The following ATRNL1 variants were observed in gnomAD, a reference collection of about 807,000 sequenced individuals.
ATRNL1 encodes the protein attractin like 1.
In ATRNL1, 95 loss-of-function variants were observed where a neutral mutation model predicts 182.7. The ratio of observed to expected loss-of-function variants is 0.52; its 90% CI spans 0.44 to 0.62. ATRNL1 has a LOEUF of 0.62. Ranked by LOEUF, ATRNL1 falls within the 20% of genes least tolerant of loss-of-function variation. ATRNL1 has a pLI of 0.00. For missense variants in ATRNL1, 1,471 were observed against 1,679.5 expected, an observed-to-expected ratio of 0.88 and a Z score of 2.17; for synonymous variants, 576 against 568.3, an observed-to-expected ratio of 1.01 and a Z score of -0.19.
At chr10:115,348,196 C>T (rs1554940312) in intron 19 of ATRNL1, among the ~76,000 whole-genome samples, 1 of 152,116 alleles carries the variant, frequency 6.6e-6, no homozygotes, top group Admixed American at 6.6e-5. Flanking sequence ...TGGTCTCAGA[C>T]TCCTGACCTC....
Position 115,779,914 on chromosome 10 carries a change from A to G in ATRNL1, c.3903+52559A>G, listed in dbSNP as rs146857664. The stretch of plus-strand genomic sequence containing the variant: ...GGTTCTTTGAGAGGGGCAAAGCAAG[A>G]TGGCCATTGATCATCCCTACTGCAG... On this transcript the variant is annotated intron_variant, in intron 27 of 28. Transcript: ENST00000355044. Among the ~76,000 whole-genome samples, 326 of 152,320 alleles carry G rather than the reference A, an allele frequency of 2.1e-3. 3 individuals are homozygous for G. Among genetic ancestry groups the G allele is most frequent in the Admixed American group, 0.017 (261 of 15,292 alleles).
At chr10:115,879,842 G>C (rs1459449727) in intron 28 of ATRNL1, among the ~76,000 whole-genome samples, 1 of 152,122 alleles carries the variant, frequency 6.6e-6, no homozygotes, top group Non-Finnish European at 1.5e-5. Context: ...AGGAAATCAG[G>C]GGAGCCTCGG....
chr10:115,542,115 TA>T (rs1302876871), intron 25 of ATRNL1, among the ~76,000 whole-genome samples: 15 of 152,160 alleles, frequency 9.9e-5, no homozygotes, highest in Non-Finnish European at 2.1e-4. Context: ...CTACTTGTAA[TA>T]GGACTTACCC....
At chr10:115,679,758 A>G (rs1195941541) in intron 26 of ATRNL1, among the ~76,000 whole-genome samples, 1 of 152,108 alleles carries the variant, frequency 6.6e-6, no homozygotes, top group Non-Finnish European at 1.5e-5. Context: ...TTCCTCAGCT[A>G]TATTTCTTAC....
chr10:115,843,371 T>C (rs1350315015), intron 27 of ATRNL1, among the ~76,000 whole-genome samples: 1 of 152,082 alleles, frequency 6.6e-6, no homozygotes, highest in Admixed American at 6.6e-5. Flanking sequence ...AATAGACATT[T>C]ACCCAGCTGT....
intron 8 of ATRNL1, among the ~76,000 whole-genome samples, chr10:115,211,247 T>G (rs1465207880): frequency 6.6e-6 from 1 of 151,130 alleles, no homozygotes; most frequent in African/African-American, 2.4e-5. Context: ...ACAAATTCTT[T>G]TTTTTTTTTT....
At chr10:115,747,302 T>C (rs1948320752) in intron 27 of ATRNL1, among the ~76,000 whole-genome samples, 1 of 152,112 alleles carries the variant, frequency 6.6e-6, no homozygotes, top group Admixed American at 6.6e-5. Context: ...ACCTTCCAAT[T>C]CTGCATTCCT....
intron 27 of ATRNL1, among the ~76,000 whole-genome samples, chr10:115,781,266 G>T (rs1593207460): frequency 6.6e-6 from 1 of 152,160 alleles, no homozygotes; most frequent in Admixed American, 6.6e-5. Context: ...AATATCCATT[G>T]CTACAACCAT....
In ATRNL1 at chr10:115,366,336, G is replaced by T. The variant is rs1318226841; in HGVS notation, c.3176-28323G>T. 6.1e-3 allele frequency among the ~76,000 whole-genome samples: 920 copies of T among 151,474 alleles called. 8 individuals are homozygous for T. The highest frequency in any genetic ancestry group is 0.02 in the African/African-American group (833 of 41,386). On this transcript the variant is annotated intron_variant, in intron 19 of 28. Transcript: ENST00000355044. ...GTCTGTTTTGTCAGAGACTAGGATT[G>T]CAACCCCTGCCTTTTTTTGTTTTCC...
intron 26 of ATRNL1, among the ~76,000 whole-genome samples, chr10:115,636,363 C>T (rs1430152012): frequency 6.6e-6 from 1 of 152,166 alleles, no homozygotes; most frequent in African/African-American, 2.4e-5. Context: ...TGGAAAATCC[C>T]TTCCATTCTT....
At chr10:115,228,926 A>T (rs1159096277) in intron 9 of ATRNL1, among the ~76,000 whole-genome samples, 2 of 151,478 alleles carry the variant, frequency 1.3e-5, no homozygotes, top group African/African-American at 4.8e-5. Flanking sequence ...ACACCACGCC[A>T]GGCTATGTTT....
intron 19 of ATRNL1, among the ~76,000 whole-genome samples, chr10:115,357,327 T>G (rs1310253602): frequency 6.6e-6 from 1 of 151,866 alleles, no homozygotes; most frequent in Non-Finnish European, 1.5e-5. Context: ...AAACATACTT[T>G]TGGTTTTATT....
chr10:115,245,551 A>G (rs1850599588), intron 10 of ATRNL1, among the ~76,000 whole-genome samples: 1 of 151,380 alleles, frequency 6.6e-6, no homozygotes, highest in Non-Finnish European at 1.5e-5. Flanking sequence ...GAAGCCTGGG[A>G]TACCTGATTT....
chr10:115,106,026 T>C lies in ATRNL1; in HGVS notation c.293+11983T>C, dbSNP rs370078278. 2.6e-5 allele frequency among the ~76,000 whole-genome samples: 4 copies of C among 152,244 alleles called. No homozygotes were observed. In the East Asian group the frequency reaches 7.7e-4, roughly 29 times the overall value. On this transcript the variant is annotated intron_variant, in intron 1 of 28. Coordinates refer to ENST00000355044, the MANE Select transcript of ATRNL1 (RefSeq NM_207303.4). ...GTAGATGCTCCTACACCTTGCACCA[T>C]GTGCCTGGAAAAGCCGCAGATGTTC...
rs1190463974 is a variant in ATRNL1 at position 115,420,035 on chromosome 10, AAC to A, written c.3270-6213_3270-6212del. ...TATGTAAGGGCACAAAACATGTCTT[AAC>A]AATTTTTTTTTTTTTTTTTTTTTGA... On this transcript the variant is annotated intron_variant, in intron 20 of 28. Coordinates refer to ENST00000355044, the MANE Select transcript of ATRNL1 (RefSeq NM_207303.4). Among the ~76,000 whole-genome samples the A allele has an allele frequency of 5.3e-3, 761 of 144,234 alleles. 1 individual carries two copies. The highest frequency in any genetic ancestry group is 9.0e-3 in the Non-Finnish European group (590 of 65,866). The allele number at this position is 144,234 out of a possible 152,430, so 94.6% of individuals were successfully genotyped here. A position where few individuals can be genotyped will look rare whatever the true frequency, so the allele number is the denominator to read the frequency against.
At chr10:115,166,989 T>G (rs1442218145) in intron 7 of ATRNL1, among the ~76,000 whole-genome samples, 1 of 152,070 alleles carries the variant, frequency 6.6e-6, no homozygotes, top group African/African-American at 2.4e-5. Flanking sequence ...TCCAATGTCA[T>G]GAAGCTTTTC....
intron 19 of ATRNL1, among the ~76,000 whole-genome samples, chr10:115,376,786 A>C (rs1481009471): frequency 6.6e-6 from 1 of 152,218 alleles, no homozygotes; most frequent in Non-Finnish European, 1.5e-5. Context: ...GTTTTCAGCC[A>C]GTATTTCTAT....
At chr10:115,880,740 G>A (rs1269517981) in intron 28 of ATRNL1, among the ~76,000 whole-genome samples, 4 of 152,188 alleles carry the variant, frequency 2.6e-5, no homozygotes, top group Admixed American at 1.3e-4. Context: ...TACCTAATCA[G>A]TATTGGATTT....
At chr10:115,410,328 CTTTTT>C (rs531844397) in intron 20 of ATRNL1, among the ~76,000 whole-genome samples, 3 of 142,780 alleles carry the variant, frequency 2.1e-5, no homozygotes, top group African/African-American at 7.6e-5. Context: ...AAAATTGCTA[CTTTTT>C]TTTTTTTTTA....
Sources: gnomAD v4.1 joint callset for allele counts (sites outside exome capture counted in the v4.1 genomes callset) on GRCh38, gnomAD v4.1.1 for gene constraint, MANE v1.5 for transcripts, NCBI Gene and HGNC (gene_info 2026-07-23, HGNC 2026-07-21) for gene names.